Variants in COL28A1 observed in about 807,000 individuals in gnomAD.
COL28A1 encodes collagen type XXVIII alpha 1 chain.
In COL28A1, 161 loss-of-function variants were observed where a neutral mutation model predicts 150.2. The observed-to-expected ratio is 1.07, with a 90% confidence interval of 0.94 to 1.22. The LOEUF is 1.22. Ranked by LOEUF, COL28A1 falls within the 50% of genes most tolerant of loss-of-function variation. COL28A1 has a pLI of 0.00. For missense variants in COL28A1, 1,617 were observed against 1,388.3 expected (o/e 1.16, Z -2.62); for synonymous variants, 552 against 469.7 (o/e 1.18, Z -2.26).
At chr7:7,483,958 G>C (rs1779486240) in intron 13 of COL28A1, among the ~76,000 whole-genome samples, 1 of 151,822 alleles carries the variant, frequency 6.6e-6, no homozygotes, top group East Asian at 1.9e-4. Context: ...ATAAATTTGT[G>C]GGTTATAAGT....
chr7:7,348,208 A>T, the COL28A1 span, among the ~76,000 whole-genome samples: 1 of 152,036 alleles, frequency 6.6e-6, no homozygotes, highest in Non-Finnish European at 1.5e-5. Context: ...ATGAGAGTAA[A>T]GTTGGAGTTC....
rs571528168 is a variant in COL28A1 at position 7,362,142 on chromosome 7, C to T, written c.3067-1614G>A. ...CGTGTATACCTATGTAACAAACCTG[C>T]ACATTCTGCACATGTATCCCAGAAC... On this transcript the variant is annotated intron_variant, in intron 33 of 34. Coordinates refer to ENST00000399429, the MANE Select transcript of COL28A1 (RefSeq NM_001037763.3). Among the ~76,000 whole-genome samples, 704 of 152,294 alleles carry T rather than the reference C, an allele frequency of 4.6e-3. 4 individuals carry two copies. Among genetic ancestry groups the T allele is most frequent in the Non-Finnish European group, 8.5e-3 (578 of 68,024 alleles).
At chr7:7,461,498 C>T (rs1436503149) in intron 15 of COL28A1, among the ~76,000 whole-genome samples, 2 of 152,134 alleles carry the variant, frequency 1.3e-5, no homozygotes, top group African/African-American at 2.4e-5. Flanking sequence ...GGCAACCTCT[C>T]AGCCCTACTC....
chr7:7,441,842 CCA>C (rs1785817438), intron 20 of COL28A1, among the ~76,000 whole-genome samples: 1 of 152,118 alleles, frequency 6.6e-6, no homozygotes, highest in Admixed American at 6.5e-5. Context: ...CCTGTAGAAT[CCA>C]CAGAGGTTTC....
intron 13 of COL28A1, 89 bp from the exon 14 acceptor site, chr7:7,477,269 T>G: frequency 1.3e-6 from 1 of 760,742 alleles, no homozygotes; most frequent in Non-Finnish European, 2.3e-6. Flanking sequence ...AGAAAGAGAA[T>G]GGTTATATTT....
chr7:7,383,489 G>C (rs1039336515), intron 27 of COL28A1, among the ~76,000 whole-genome samples: 5 of 151,736 alleles, frequency 3.3e-5, no homozygotes, highest in African/African-American at 1.2e-4. Context: ...ATGTTGGCCA[G>C]TCTGGTCTCA....
chr7:7,457,196 T>C (rs1787237236), intron 15 of COL28A1, among the ~76,000 whole-genome samples: 2 of 152,124 alleles, frequency 1.3e-5, no homozygotes, highest in South Asian at 2.1e-4. Context: ...CTGGAGGGTT[T>C]TGAGAAGGGA....
intron 26 of COL28A1, among the ~76,000 whole-genome samples, chr7:7,418,675 C>T (rs758260841): frequency 2.0e-5 from 3 of 152,068 alleles, no homozygotes; most frequent in Middle Eastern, 6.8e-3. Flanking sequence ...TTGTATAAGT[C>T]AGTCTTTTAC....
chr7:7,460,580 C>T (rs1483365898), intron 15 of COL28A1, among the ~76,000 whole-genome samples: 2 of 152,124 alleles, frequency 1.3e-5, no homozygotes, highest in Non-Finnish European at 2.9e-5. Flanking sequence ...GACAAGGTTT[C>T]ACCGTGTTAG....
At chr7:7,365,409 G>C (rs1371554367) in intron 33 of COL28A1, among the ~76,000 whole-genome samples, 2 of 152,136 alleles carry the variant, frequency 1.3e-5, no homozygotes, top group Non-Finnish European at 2.9e-5. Flanking sequence ...GGACACCTGA[G>C]AGCCGACACC....
intron 2 of COL28A1, 63 bp downstream of exon 2, chr7:7,532,688 GA>G: frequency 1.3e-5 from 21 of 1,555,584 alleles, no homozygotes; most frequent in Non-Finnish European, 1.7e-5. Context: ...ATGCTATTTA[GA>G]AAAATTCACA....
intron 34 of COL28A1, among the ~76,000 whole-genome samples, chr7:7,359,796 G>T (rs568336922): frequency 6.6e-6 from 1 of 152,200 alleles, no homozygotes; most frequent in Admixed American, 6.5e-5. Context: ...ATGGAAATGA[G>T]CCATAGATTT....
At chr7:7,488,348 T>G (rs1056726811) in intron 13 of COL28A1, among the ~76,000 whole-genome samples, 6 of 152,224 alleles carry the variant, frequency 3.9e-5, no homozygotes, top group African/African-American at 1.4e-4. Flanking sequence ...AAATAATATG[T>G]TGCCATTTCA....
At chr7:7,489,279 T>C (rs1779788845) in intron 13 of COL28A1, 110 bp downstream of exon 13, 2 of 708,356 alleles carry the variant, frequency 2.8e-6, no homozygotes, top group Non-Finnish European at 2.5e-6. Flanking sequence ...AAAAAATAAA[T>C]AAATAAAATA....
chr7:7,370,994 A>C, intron 32 of COL28A1, 112 bp from the exon 33 acceptor site: 1 of 726,736 alleles, frequency 1.4e-6, no homozygotes, highest in South Asian at 2.0e-5. Flanking sequence ...CATTACTTGA[A>C]ATCAACTGCT....
At chr7:7,384,739 A>G (rs113189201) in intron 27 of COL28A1, among the ~76,000 whole-genome samples, 8 of 152,210 alleles carry the variant, frequency 5.3e-5, no homozygotes, top group African/African-American at 9.6e-5. Flanking sequence ...AGGAAACTTG[A>G]TATCATTGGG....
In COL28A1 at chr7:7,466,164, G is replaced by A. The variant is rs1286613592; in HGVS notation, c.1302+8437C>T. 1.6e-5 allele frequency among the ~76,000 whole-genome samples: 2 copies of A among 126,252 alleles called. 1 individual carries two copies. The highest frequency in any genetic ancestry group is 5.0e-4 in the East Asian group (2 of 4,026). 82.8% of individuals were successfully genotyped at this position (126,252 alleles called of 152,430 possible). A position where few individuals can be genotyped will look rare whatever the true frequency, so the allele number is the denominator to read the frequency against. ...AGACGATCAAATTACTCTGAGCTACGGGAGGACATTCAAACCAAAGGCAAA... is the reference window on the plus strand; with the variant it reads ...AGACGATCAAATTACTCTGAGCTACAGGAGGACATTCAAACCAAAGGCAAA... On this transcript the variant is annotated intron_variant, in intron 15 of 34. Transcript: ENST00000399429.
intron 25 of COL28A1, among the ~76,000 whole-genome samples, chr7:7,429,426 T>TCTCACACA (rs1554270137): frequency 1.7e-5 from 2 of 119,308 alleles, no homozygotes; most frequent in African/African-American, 6.2e-5. Context: ...TCTCTCTCTC[T>TCTCACACA]CACATACACA....
intron 22 of COL28A1, among the ~76,000 whole-genome samples, chr7:7,436,939 G>A (rs1450237574): frequency 6.6e-6 from 1 of 152,174 alleles, no homozygotes; most frequent in Middle Eastern, 3.2e-3. Context: ...TTGGGTGGCT[G>A]AGGCAAGAGA....
Sources: gnomAD v4.1 joint callset for allele counts (sites outside exome capture counted in the v4.1 genomes callset) on GRCh38, gnomAD v4.1.1 for gene constraint, MANE v1.5 for transcripts, NCBI Gene and HGNC (gene_info 2026-07-23, HGNC 2026-07-21) for gene names.